Variants in HSPBP1 observed in about 807,000 individuals in gnomAD.
HSPBP1 encodes HSPA (Hsp70) binding protein 1, also known as hsp70-binding protein 1.
Under a neutral mutation model 41.7 loss-of-function variants are expected in HSPBP1, and 31 were observed. The ratio of observed to expected loss-of-function variants is 0.74; its 90% CI spans 0.56 to 1.00. The LOEUF (loss-of-function observed/expected upper bound fraction) is 1.00. Ranked by LOEUF, HSPBP1 falls within the 50% of genes least tolerant of loss-of-function variation. The pLI is 0.00. For missense variants in HSPBP1, 439 were observed against 487.9 expected (o/e 0.90, Z 0.94); for synonymous variants, 199 against 214.4 (o/e 0.93, Z 0.63).
chr19:55,270,220 T>A lies in HSPBP1; in HGVS notation c.641-3934A>T, dbSNP rs1264059520. ...AAGCTCCCAGAGCTCTTGCCCTGCATCGTGCACAACTTTCGCTGGGGAAGC... is the reference window on the plus strand; with the variant it reads ...AAGCTCCCAGAGCTCTTGCCCTGCAACGTGCACAACTTTCGCTGGGGAAGC... On this transcript the variant is annotated intron_variant, in intron 4 of 7. Transcript: ENST00000433386. This position sits in a 1 kb window ranked among gnomAD's most constrained non-coding sequence, Gnocchi z 5.4. Among the ~76,000 whole-genome samples, 1 of 152,174 alleles carries A rather than the reference T, an allele frequency of 6.6e-6. No homozygotes were observed. The highest frequency in any genetic ancestry group is 1.5e-5 in the Non-Finnish European group (1 of 68,026).
chr19:55,276,075 C>G (rs1178384073), intron 3 of HSPBP1, among the ~76,000 whole-genome samples: 1 of 146,418 alleles, frequency 6.8e-6, no homozygotes, highest in African/African-American at 2.6e-5. Context: ...TGAGATTGCA[C>G]CACTGCACTC....
Position 55,262,436 on chromosome 19 carries a change from G to A in HSPBP1, c.*172C>T. ...TGAGAGCATGGGAGGTGGGGTCCAA[G>A]GAGCTGGTGCCTTTCTCAGCGCCCC... On this transcript the variant is annotated 3_prime_UTR_variant, in exon 8 of 8. Coordinates refer to ENST00000433386, the MANE Select transcript of HSPBP1 (RefSeq NM_012267.5). 2.1e-6 allele frequency: 3 copies of A among 1,422,914 alleles called. No homozygotes were observed. Among genetic ancestry groups the A allele is most frequent in the South Asian group, 3.1e-5 (2 of 65,366 alleles). The allele number at this position is 1,422,914 out of a possible 1,614,324, so 88.1% of individuals were successfully genotyped here.
At chr19:55,274,356 CACCGCCAG>C in intron 4 of HSPBP1, 34 bp downstream of exon 4, 4 of 664,184 alleles carry the variant, frequency 6.0e-6, no homozygotes, top group South Asian at 4.1e-5. Flanking sequence ...CACCCCCCCC[CACCGCCAG>C]CACCCCTGTC....
Position 55,274,604 on chromosome 19 carries a change from C to T in HSPBP1, c.434G>A (p.Gly145Asp), listed in dbSNP as rs866614018. 6.2e-7 allele frequency: 1 copy of T among 1,605,952 alleles called. No homozygotes were observed. The highest frequency in any genetic ancestry group is 8.5e-7 in the Non-Finnish European group (1 of 1,178,744). Residue 145 changes from glycine (G) to aspartate (D), a missense_variant, in exon 4 of 8, where the codon GGC (glycine) becomes GAC (aspartate). Gly to Asp is a moderately conservative substitution (Grantham distance 94, BLOSUM62 -1). Coordinates refer to ENST00000433386, the MANE Select transcript of HSPBP1 (RefSeq NM_012267.5). Reference protein sequence around the residue: ...DNAADFCQLSGMHLLVGRYLE... With the variant: ...DNAADFCQLSDMHLLVGRYLE... Reference sequence around the variant, plus strand: ...GTACCGGCCCACCAGCAGGTGCATGCCAGACAGCTGGCAGAAGTCTGTGCC... The same window carrying T: ...GTACCGGCCCACCAGCAGGTGCATGTCAGACAGCTGGCAGAAGTCTGTGCC...
rs570306353 is a variant in HSPBP1, at chr19:55,268,905, A to G, written c.641-2619T>C. ...AGGCTGGTCTTGAGCTCCTGGCTTC[A>G]AGTGATCCACCTGTCTCGGCCTCCC... On this transcript the variant is annotated intron_variant, in intron 4 of 7. Transcript: ENST00000433386. The surrounding 1 kb of genome is among the most constrained non-coding windows in gnomAD (Gnocchi z 4.5). 2.6e-5 allele frequency among the ~76,000 whole-genome samples: 4 copies of G among 152,258 alleles called. No homozygotes were observed. The East Asian group carries it at 5.8e-4, about 22-fold the overall frequency.
chr19:55,269,876 A>T (rs904444286), intron 4 of HSPBP1, among the ~76,000 whole-genome samples: 1 of 152,194 alleles, frequency 6.6e-6, no homozygotes. Context: ...TGAGGTGTCC[A>T]TGTAGGTTCA....
chr19:55,276,009 T>C (rs1486889202), intron 3 of HSPBP1, among the ~76,000 whole-genome samples: 4 of 140,302 alleles, frequency 2.9e-5, no homozygotes, highest in African/African-American at 8.2e-5. Context: ...CCCAGCTGTT[T>C]GGGAGGCTAA....
At chr19:55,271,493 G>T (rs1239051460) in intron 4 of HSPBP1, among the ~76,000 whole-genome samples, 3 of 152,186 alleles carry the variant, frequency 2.0e-5, no homozygotes, top group Non-Finnish European at 4.4e-5. Context: ...GCTGCCCCAT[G>T]TCTGTCTGTC....
intron 6 of HSPBP1, among the ~76,000 whole-genome samples, chr19:55,265,651 T>G (rs1384106527): frequency 2.6e-5 from 4 of 152,026 alleles, no homozygotes; most frequent in South Asian, 2.1e-4. Context: ...TAGACACTAA[T>G]CCACTGGTGG....
At position 55,270,091 on chromosome 19, in the gene HSPBP1, G is replaced by A. The variant is rs113994875; in HGVS notation, c.641-3805C>T. On this transcript the variant is annotated intron_variant, in intron 4 of 7. Transcript: ENST00000433386. The surrounding 1 kb of genome is among the most constrained non-coding windows in gnomAD (Gnocchi z 5.4). ...TAATGGTACTGGACAGCCACACAAT[G>A]GCATACCCTGCAGCCACCAAAAAAA... Among the ~76,000 whole-genome samples, 339 of 152,202 alleles carry A rather than the reference G, an allele frequency of 2.2e-3. 2 individuals are homozygous for A. The highest frequency in any genetic ancestry group is 7.9e-3 in the African/African-American group (328 of 41,520).
chr19:55,275,975 G>C (rs1315630628), intron 3 of HSPBP1, among the ~76,000 whole-genome samples: 1 of 150,962 alleles, frequency 6.6e-6, no homozygotes, highest in Non-Finnish European at 1.5e-5. Context: ...AAATTTGCCA[G>C]GCCTGATGAC....
At chr19:55,278,162 C>A (rs910629562) in intron 2 of HSPBP1, among the ~76,000 whole-genome samples, 1 of 152,158 alleles carries the variant, frequency 6.6e-6, no homozygotes, top group East Asian at 1.9e-4. Flanking sequence ...CAAAGGGAAT[C>A]GCTTGAACCT....
At chr19:55,279,766 C>T in intron 1 of HSPBP1, 64 bp from the exon 2 acceptor site, 2 of 1,518,080 alleles carry the variant, frequency 1.3e-6, no homozygotes, top group Non-Finnish European at 1.8e-6. Flanking sequence ...CCACTCTGCC[C>T]CCAGCCCACT....
Position 55,272,165 on chromosome 19 carries a change from C to T in HSPBP1, c.640+2233G>A, listed in dbSNP as rs1042169470. Among the ~76,000 whole-genome samples, 6 of 152,114 alleles carry T rather than the reference C, an allele frequency of 3.9e-5. No homozygotes were observed. The highest frequency in any genetic ancestry group is 9.7e-5 in the African/African-American group (4 of 41,436). ...ACTGCTAGGTATACACCCAAGAGAA[C>T]GGAAAACAAATGTCCATAAAAACAC... On this transcript the variant is annotated intron_variant, in intron 4 of 7. Coordinates refer to ENST00000433386, the MANE Select transcript of HSPBP1 (RefSeq NM_012267.5). This position sits in a 1 kb window ranked among gnomAD's most constrained non-coding sequence, Gnocchi z 4.2.
In HSPBP1 at chr19:55,262,675, A is replaced by G. The variant is rs746746083; in HGVS notation, c.1013T>C (p.Leu338Pro). 2 of 1,612,968 alleles carry G rather than the reference A, an allele frequency of 1.2e-6. No homozygotes were observed. Among genetic ancestry groups the G allele is most frequent in the East Asian group, 2.2e-5 (1 of 44,858 alleles). The change falls in exon 8 of 8, where the codon CTG (leucine) becomes CCG (proline). Residue 338 changes from leucine (L) to proline (P), a missense_variant. Physicochemically the swap from Leu to Pro is moderately conservative, Grantham distance 98. Transcript: ENST00000433386. ...LQQHEEYQEE[L>P]EFCEKLLQTC... Reference sequence around the variant, plus strand: ...CTGTAGCAGCTTTTCACAGAACTCCAGCTCCTCCTGGATTGGGCAGGGGCA... The same window carrying G: ...CTGTAGCAGCTTTTCACAGAACTCCGGCTCCTCCTGGATTGGGCAGGGGCA...
intron 4 of HSPBP1, among the ~76,000 whole-genome samples, chr19:55,266,496 C>CCAT (rs1568960831): frequency 1.1e-4 from 1 of 9,280 alleles, no homozygotes; most frequent in East Asian, 0.012. Context: ...ACCACCATCA[C>CCAT]TATCACCATC....
At chr19:55,266,961 G>A (rs998226373) in intron 4 of HSPBP1, among the ~76,000 whole-genome samples, 9 of 152,116 alleles carry the variant, frequency 5.9e-5, no homozygotes, top group African/African-American at 1.2e-4. Flanking sequence ...CATAAAATAC[G>A]TGACCTTTTG....
At chr19:55,273,255 G>A (rs1038659623) in intron 4 of HSPBP1, among the ~76,000 whole-genome samples, 5 of 152,174 alleles carry the variant, frequency 3.3e-5, no homozygotes, top group Non-Finnish European at 5.9e-5. Context: ...CTCCCAAAGT[G>A]TTAGGATTCC....
At position 55,272,779 on chromosome 19, in the gene HSPBP1, A is replaced by G. The variant is rs2087958094; in HGVS notation, c.640+1619T>C. The stretch of plus-strand genomic sequence containing the variant: ...CTTGAACCTGGGAGGAGGAGGTTGT[A>G]GTGAGCCGAGATCGCGCCATTGCGC... On this transcript the variant is annotated intron_variant, in intron 4 of 7. Transcript: ENST00000433386. This position sits in a 1 kb window ranked among gnomAD's most constrained non-coding sequence, Gnocchi z 4.2. Among the ~76,000 whole-genome samples, 1 of 151,940 alleles carries G rather than the reference A, an allele frequency of 6.6e-6. No homozygotes were observed. The highest frequency in any genetic ancestry group is 1.5e-5 in the Non-Finnish European group (1 of 67,976).
Sources: allele counts gnomAD v4.1 joint callset (sites outside exome capture counted in the v4.1 genomes callset), GRCh38; gene constraint gnomAD v4.1.1; non-coding constraint Gnocchi (gnomAD v3.1); transcripts MANE v1.5; gene names NCBI Gene and HGNC (gene_info 2026-07-23, HGNC 2026-07-21).